The following KIF1B variants were observed in gnomAD, a reference collection of about 807,000 sequenced individuals.
KIF1B encodes the protein kinesin-like protein KIF1B.
Under a neutral mutation model 241.9 loss-of-function variants are expected in KIF1B, and 76 were observed. That is an observed-to-expected ratio of 0.31 (90% CI 0.26 to 0.38). KIF1B has a LOEUF of 0.38. Among genes scored for constraint, KIF1B ranks in the 10% least tolerant of loss-of-function variants. The probability of loss-of-function intolerance (pLI) is 1.00; values close to 1 mark genes in which losing one functional copy is unlikely to be tolerated. For synonymous variants in KIF1B, 750 were observed against 796.7 expected, an observed-to-expected ratio of 0.94 and a Z score of 0.99; for missense variants, 1,622 against 2,271.4, an observed-to-expected ratio of 0.71 and a Z score of 5.81.
At chr1:10,213,237 T>C (rs1646721170) in intron 1 of KIF1B, among the ~76,000 whole-genome samples, 2 of 152,172 alleles carry the variant, frequency 1.3e-5, no homozygotes, top group Admixed American at 1.3e-4. Context: ...GACCTGATTG[T>C]GAATCTGATA....
chr1:10,231,488 G>A (rs778959553), intron 1 of KIF1B, among the ~76,000 whole-genome samples: 2 of 143,574 alleles, frequency 1.4e-5, no homozygotes, highest in Non-Finnish European at 3.0e-5. Context: ...CTGGGTTCAA[G>A]CAATTCTCCT....
intron 22 of KIF1B, among the ~76,000 whole-genome samples, chr1:10,302,335 G>C (rs957682843): frequency 6.6e-6 from 1 of 152,058 alleles, no homozygotes; most frequent in Admixed American, 6.6e-5. Flanking sequence ...TTGTTATCCA[G>C]ATAACACACT....
intron 1 of KIF1B, among the ~76,000 whole-genome samples, chr1:10,222,147 GA>G (rs1019847890): frequency 7.3e-5 from 11 of 151,678 alleles, no homozygotes; most frequent in African/African-American, 2.4e-4. Context: ...TGGAGCAAAG[GA>G]AAAAAAAGGT....
chr1:10,332,959 A>G (rs116073919), intron 27 of KIF1B, among the ~76,000 whole-genome samples: 2,888 of 150,648 alleles, frequency 0.019, 42 homozygotes, highest in Non-Finnish European at 0.028. Flanking sequence ...CAACAGGTGC[A>G]TGCCACCATG....
rs971860068 is a variant in KIF1B, at chr1:10,303,021, T to G, written c.2115+5775T>G. The stretch of plus-strand genomic sequence containing the variant: ...ATTATTGAGGGGTTTTTTTTGGTTT[T>G]GTTTTGTTTTTTAGTTTTTTTGGTC... On this transcript the variant is annotated intron_variant, in intron 22 of 48. Transcript: ENST00000676179. The surrounding 1 kb of genome is among the most constrained non-coding windows in gnomAD (Gnocchi z 5.2). 1.0e-5 allele frequency: 10 copies of G among 965,086 alleles called. No homozygotes were observed. The highest frequency in any genetic ancestry group is 3.6e-5 in the South Asian group (2 of 56,072). The allele number at this position is 965,086 out of a possible 1,614,324, so 59.8% of individuals were successfully genotyped here. A position where few individuals can be genotyped will look rare whatever the true frequency, so the allele number is the denominator to read the frequency against.
chr1:10,219,156 A>G (rs1646806444), intron 1 of KIF1B, among the ~76,000 whole-genome samples: 1 of 152,168 alleles, frequency 6.6e-6, no homozygotes, highest in Non-Finnish European at 1.5e-5. Context: ...ATTGTTATAA[A>G]CATCCTGATA....
chr1:10,325,092 C>T (rs1033346357), intron 26 of KIF1B, among the ~76,000 whole-genome samples, 197 bp downstream of exon 26: 4 of 152,108 alleles, frequency 2.6e-5, no homozygotes, highest in African/African-American at 7.2e-5. Flanking sequence ...ATTTTTGTTT[C>T]GACTCTCAAA....
chr1:10,310,907 G>T (rs1651038753), intron 22 of KIF1B, among the ~76,000 whole-genome samples: 1 of 151,420 alleles, frequency 6.6e-6, no homozygotes, highest in Non-Finnish European at 1.5e-5. Context: ...CAATGTTTTT[G>T]TTTCACTGAG....
At chr1:10,316,184 G>T (rs938709262) in intron 22 of KIF1B, among the ~76,000 whole-genome samples, 8 of 151,124 alleles carry the variant, frequency 5.3e-5, no homozygotes, top group Non-Finnish European at 7.4e-5. Flanking sequence ...AGTGAGCTAT[G>T]ATTGTACCAT....
intron 2 of KIF1B, among the ~76,000 whole-genome samples, chr1:10,240,135 C>A (rs1216767695): frequency 6.6e-6 from 1 of 152,160 alleles, no homozygotes; most frequent in Non-Finnish European, 1.5e-5. Flanking sequence ...AACTCCTGAC[C>A]TCGTGATCCG....
chr1:10,291,440 G>T (rs1649990775), intron 16 of KIF1B, among the ~76,000 whole-genome samples: 1 of 152,192 alleles, frequency 6.6e-6, no homozygotes, highest in Non-Finnish European at 1.5e-5. Context: ...GCCAGGCGCG[G>T]TGGCTCACGC....
chr1:10,283,355 C>T (rs912891238), intron 15 of KIF1B, among the ~76,000 whole-genome samples: 2 of 152,218 alleles, frequency 1.3e-5, no homozygotes, highest in Admixed American at 6.5e-5. Context: ...GTTATCTCCT[C>T]CTATGCTGGT....
At chr1:10,332,360 C>G (rs1236359524) in intron 27 of KIF1B, among the ~76,000 whole-genome samples, 1 of 151,926 alleles carries the variant, frequency 6.6e-6, no homozygotes, top group Non-Finnish European at 1.5e-5. Flanking sequence ...GCCACCATGC[C>G]CGGCCCTTAA....
intron 2 of KIF1B, among the ~76,000 whole-genome samples, chr1:10,253,465 A>T (rs1647584867): frequency 1.3e-5 from 2 of 151,826 alleles, no homozygotes; most frequent in African/African-American, 4.8e-5. Flanking sequence ...ACATAGTGAG[A>T]CTCCCATCTC....
In KIF1B at chr1:10,379,578, C is replaced by A. The variant is rs1341114947; in HGVS notation, c.*2991C>A. Reference sequence around the variant, plus strand: ...CTGTTGTGGCGGGAAAGTTAAGAAACATAGCCCTTAAGGAAACCACCTTTA... The same window carrying A: ...CTGTTGTGGCGGGAAAGTTAAGAAAAATAGCCCTTAAGGAAACCACCTTTA... On this transcript the variant is annotated 3_prime_UTR_variant, in exon 49 of 49. Transcript: ENST00000676179. 57 of 231,648 alleles carry A rather than the reference C, an allele frequency of 2.5e-4. 2 individuals carry two copies. In the East Asian group the frequency reaches 3.4e-3, roughly 14 times the overall value. 14.3% of individuals were successfully genotyped at this position (231,648 alleles called of 1,614,324 possible).
In KIF1B at chr1:10,237,853, A is replaced by C. The variant is rs57057598; in HGVS notation, c.106+5419A>C. ...GAAACCCTGTCTCTACAAAAAATAC[A>C]AAAAAGCTAGCTGGGTGTGGTGGTG... is the stretch of plus-strand genomic sequence containing the variant. On this transcript the variant is annotated intron_variant, in intron 2 of 48. Transcript: ENST00000676179. Among the ~76,000 whole-genome samples, 159 of 151,934 alleles carry C rather than the reference A, an allele frequency of 1.0e-3. 3 individuals are homozygous for C. The East Asian group carries it at 0.028, about 27-fold the overall frequency.
intron 5 of KIF1B, among the ~76,000 whole-genome samples, chr1:10,262,760 A>G (rs958977993): frequency 2.0e-5 from 3 of 152,144 alleles, no homozygotes; most frequent in African/African-American, 7.2e-5. Context: ...TGGGTTCACA[A>G]TGTCTTTCTG....
intron 14 of KIF1B, among the ~76,000 whole-genome samples, chr1:10,281,236 GA>G (rs1649391232): frequency 6.6e-6 from 1 of 152,100 alleles, no homozygotes; most frequent in African/African-American, 2.4e-5. Flanking sequence ...GTTTTGATAT[GA>G]ATTTTAGTTT....
At chr1:10,371,001 T>C (rs1355023460) in intron 44 of KIF1B, 140 bp from the exon 45 acceptor site, 1 of 950,776 alleles carries the variant, frequency 1.1e-6, no homozygotes, top group Non-Finnish European at 1.7e-6. Context: ...TGATAAATTA[T>C]GTATAGGCTT....
Sources: allele counts gnomAD v4.1 joint callset (sites outside exome capture counted in the v4.1 genomes callset), GRCh38; gene constraint gnomAD v4.1.1; non-coding constraint Gnocchi (gnomAD v3.1); transcripts MANE v1.5; gene names NCBI Gene and HGNC (gene_info 2026-07-23, HGNC 2026-07-21).